Variants in ACKR3 observed in about 807,000 individuals in gnomAD.
ACKR3 encodes the protein atypical chemokine receptor 3, also known as C-X-C chemokine receptor type 7.
ACKR3 carries 6 observed loss-of-function variants against 22.4 expected under a neutral mutation model. The ratio of observed to expected loss-of-function variants is 0.27; its 90% CI spans 0.15 to 0.53. The LOEUF is 0.53. ACKR3 is among the 20% of genes least tolerant of loss of function. The pLI is 0.96. For synonymous variants in ACKR3, 209 were observed against 205.2 expected, an observed-to-expected ratio of 1.02 and a Z score of -0.16; for missense variants, 396 against 475.2, an observed-to-expected ratio of 0.83 and a Z score of 1.55.
Position 236,582,135 on chromosome 2 carries a change from T to C in ACKR3, c.*581T>C, listed in dbSNP as rs903099161. The C allele has an allele frequency of 6.0e-6, 1 of 166,424 alleles. No individual in the cohort carries two copies. Among genetic ancestry groups the C allele is most frequent in the African/African-American group, 2.4e-5 (1 of 41,342 alleles). The allele number at this position is 166,424 out of a possible 1,614,324, so 10.3% of individuals were successfully genotyped here. A position where few individuals can be genotyped will look rare whatever the true frequency, so the allele number is the denominator to read the frequency against. On this transcript the variant is annotated 3_prime_UTR_variant, in exon 2 of 2. Transcript: ENST00000272928. ...GCTGAAATGTTTTATTTACCATAGTTTTATATCTGTGTGGTGTTTTGTACC... is the reference window on the plus strand; with the variant it reads ...GCTGAAATGTTTTATTTACCATAGTCTTATATCTGTGTGGTGTTTTGTACC...
At chr2:236,570,243 A>C (rs1236744742) in intron 1 of ACKR3, among the ~76,000 whole-genome samples, 1 of 152,192 alleles carries the variant, frequency 6.6e-6, no homozygotes, top group African/African-American at 2.4e-5. Context: ...TAAGCAGGGG[A>C]ACTTTGCAAG....
chr2:236,557,438 A>G, the ACKR3 span, among the ~76,000 whole-genome samples: 1 of 152,146 alleles, frequency 6.6e-6, no homozygotes, highest in Non-Finnish European at 1.5e-5. Context: ...ATCTTAAATA[A>G]AGTGCAAGAT....
At chr2:236,560,591 A>G in the ACKR3 span, among the ~76,000 whole-genome samples, 13 of 152,156 alleles carry the variant, frequency 8.5e-5, no homozygotes, top group Non-Finnish European at 1.8e-4. Context: ...ACCCTTTACC[A>G]GATAAATGGT....
the ACKR3 span, among the ~76,000 whole-genome samples, chr2:236,556,654 G>T: frequency 1.2e-3 from 189 of 152,314 alleles, 1 homozygote; most frequent in Non-Finnish European, 2.4e-3. Context: ...CTCAGCCCAG[G>T]ATATCTAGAA....
upstream of ACKR3, among the ~76,000 whole-genome samples, chr2:236,567,612 G>A (rs1458905934): frequency 1.3e-5 from 2 of 152,210 alleles, no homozygotes; most frequent in East Asian, 3.9e-4. Context: ...AGACAGCCAA[G>A]TTCAGGCCCC....
chr2:236,541,900 C>T, the ACKR3 span, among the ~76,000 whole-genome samples: 3 of 152,200 alleles, frequency 2.0e-5, no homozygotes, highest in Non-Finnish European at 4.4e-5. Context: ...TCACCTTCTG[C>T]CATGATTGTG....
the ACKR3 span, among the ~76,000 whole-genome samples, chr2:236,539,873 G>A: frequency 6.6e-6 from 1 of 152,180 alleles, no homozygotes; most frequent in East Asian, 1.9e-4. Flanking sequence ...CATGGCAACA[G>A]GCAAGAGAGC....
chr2:236,551,197 C>G, the ACKR3 span, among the ~76,000 whole-genome samples: 4 of 152,320 alleles, frequency 2.6e-5, no homozygotes, highest in East Asian at 7.7e-4. Flanking sequence ...CCTCTTCTCC[C>G]TCAGCCTCCC....
chr2:236,540,528 A>G, the ACKR3 span, among the ~76,000 whole-genome samples: 3 of 151,916 alleles, frequency 2.0e-5, no homozygotes, highest in Non-Finnish European at 2.9e-5. Flanking sequence ...CAAATTTGTC[A>G]TTTTTTACAT....
the ACKR3 span, among the ~76,000 whole-genome samples, chr2:236,555,523 T>C: frequency 6.6e-6 from 1 of 152,184 alleles, no homozygotes; most frequent in Non-Finnish European, 1.5e-5. Flanking sequence ...TCTATTTTCA[T>C]ACCTGGTCAT....
chr2:236,570,538 GTCTTC>G (rs981512912), intron 1 of ACKR3, among the ~76,000 whole-genome samples: 1 of 152,182 alleles, frequency 6.6e-6, no homozygotes, highest in Non-Finnish European at 1.5e-5. Context: ...ACACAGCCCG[GTCTTC>G]TCTTCTCTTG....
At chr2:236,562,890 G>C (rs1446765673), upstream of ACKR3, among the ~76,000 whole-genome samples, 2 of 152,136 alleles carry the variant, frequency 1.3e-5, no homozygotes, top group African/African-American at 4.8e-5. Context: ...AGAAAGGCTG[G>C]TCTGTCACCA....
chr2:236,579,863 C>T (rs1691484070), intron 1 of ACKR3, among the ~76,000 whole-genome samples: 2 of 152,164 alleles, frequency 1.3e-5, no homozygotes, highest in African/African-American at 2.4e-5. Context: ...CCGCCTGAGA[C>T]CCAGGTTTAT....
At chr2:236,547,696 T>C in the ACKR3 span, among the ~76,000 whole-genome samples, 1 of 152,228 alleles carries the variant, frequency 6.6e-6, no homozygotes, top group Non-Finnish European at 1.5e-5. Flanking sequence ...TGATCTTTCA[T>C]CATGTTAGAG....
chr2:236,540,360 T>A, the ACKR3 span, among the ~76,000 whole-genome samples: 1 of 152,052 alleles, frequency 6.6e-6, no homozygotes, highest in Admixed American at 6.5e-5. Flanking sequence ...TTGTCTGTTT[T>A]TTTTTTTGTT....
At chr2:236,564,334 C>T (rs1691138362), upstream of ACKR3, among the ~76,000 whole-genome samples, 1 of 152,236 alleles carries the variant, frequency 6.6e-6, no homozygotes, top group Non-Finnish European at 1.5e-5. Flanking sequence ...ATGGATCCTG[C>T]TCCCACTCTG....
chr2:236,580,080 C>T (rs954457722), intron 1 of ACKR3, among the ~76,000 whole-genome samples: 3 of 152,170 alleles, frequency 2.0e-5, no homozygotes, highest in Non-Finnish European at 2.9e-5. Context: ...ATCAGCATCG[C>T]GGTGGCCGGG....
In ACKR3 at chr2:236,577,209, A is replaced by C. The variant is rs1169451338; in HGVS notation, c.-26-3231A>C. ...GAGGAGCTCCAGCCTCCGCTCTCTC[A>C]TTCAGCCCTTGGGCAGCAACAGCCA... On this transcript the variant is annotated intron_variant, in intron 1 of 1. Transcript: ENST00000272928. The surrounding 1 kb of genome is among the most constrained non-coding windows in gnomAD (Gnocchi z 5.6). Among the ~76,000 whole-genome samples the C allele has an allele frequency of 6.6e-6, 1 of 152,172 alleles. No individual in the cohort carries two copies. The highest frequency in any genetic ancestry group is 2.4e-5 in the African/African-American group (1 of 41,430).
rs904251117 is a variant in ACKR3, at chr2:236,580,601, A to G, written c.136A>G (p.Thr46Ala). Residue 46 changes from threonine to alanine, a missense_variant, in exon 2 of 2, where the codon ACG becomes GCG. Physicochemically the swap from Thr to Ala is moderately conservative, Grantham distance 58 (BLOSUM62 0). Transcript: ENST00000272928. ...GCCCAACAAAAGCGTCCTGCTCTAC[A>G]CGCTCTCCTTCATTTACATTTTCAT... Reference protein sequence around the residue: ...NMPNKSVLLYTLSFIYIFIFV... With the variant: ...NMPNKSVLLYALSFIYIFIFV... 1.2e-6 allele frequency: 2 copies of G among 1,613,702 alleles called. No individual in the cohort carries two copies. Among genetic ancestry groups the G allele is most frequent in the Non-Finnish European group, 1.7e-6 (2 of 1,179,876 alleles).
Sources: gnomAD v4.1 joint callset for allele counts (sites outside exome capture counted in the v4.1 genomes callset) on GRCh38, gnomAD v4.1.1 for gene constraint, Gnocchi (gnomAD v3.1) non-coding constraint, MANE v1.5 for transcripts, NCBI Gene and HGNC (gene_info 2026-07-23, HGNC 2026-07-21) for gene names.